Variants in YTHDF2 observed in about 807,000 individuals in gnomAD.
YTHDF2 encodes YTH domain-containing family protein 2.
YTHDF2 carries 2 observed loss-of-function variants against 50.4 expected under a neutral mutation model. The ratio of observed to expected loss-of-function variants is 0.04; its 90% CI spans 0.02 to 0.12. The LOEUF (loss-of-function observed/expected upper bound fraction) is 0.12, where lower values mean the gene tolerates loss of function less well. Ranked by LOEUF, YTHDF2 falls within the 10% of genes least tolerant of loss-of-function variation. The probability of loss-of-function intolerance (pLI) is 1.00; values close to 1 mark genes in which losing one functional copy is unlikely to be tolerated. For synonymous variants in YTHDF2, 217 were observed against 255.6 expected, an observed-to-expected ratio of 0.85 and a Z score of 1.44; for missense variants, 483 against 722.6, an observed-to-expected ratio of 0.67 and a Z score of 3.80.
upstream of YTHDF2, chr1:28,736,863 G>C (rs914519420): frequency 4.0e-5 from 17 of 429,224 alleles, no homozygotes; most frequent in South Asian, 9.5e-5. Flanking sequence ...CGCCTCCGCT[G>C]TTCGGCGCTC....
intron 1 of YTHDF2, 176 bp from the exon 2 acceptor site, chr1:28,737,482 C>T: frequency 1.2e-6 from 1 of 862,976 alleles, no homozygotes. Context: ...CCCTGCCCCA[C>T]GGGCCTGGCG....
chr1:28,752,945 T>C (rs1482581006), intron 4 of YTHDF2, among the ~76,000 whole-genome samples: 1 of 151,958 alleles, frequency 6.6e-6, no homozygotes, highest in Non-Finnish European at 1.5e-5. Context: ...CTCAGGAGGC[T>C]GAGGCAGGAG....
At chr1:28,749,935 C>T (rs555068491) in intron 4 of YTHDF2, among the ~76,000 whole-genome samples, 1 of 139,020 alleles carries the variant, frequency 7.2e-6, no homozygotes, top group Non-Finnish European at 1.6e-5. Flanking sequence ...GATTTTTTGA[C>T]TTTTCACTGT....
chr1:28,747,616 C>G (rs2087883946), intron 4 of YTHDF2, among the ~76,000 whole-genome samples: 1 of 139,312 alleles, frequency 7.2e-6, no homozygotes, highest in Non-Finnish European at 1.5e-5. Flanking sequence ...GCAGGGGTTT[C>G]ACTGTGTTAG....
intron 4 of YTHDF2, among the ~76,000 whole-genome samples, chr1:28,749,826 G>A (rs1399532013): frequency 2.6e-5 from 4 of 152,072 alleles, no homozygotes; most frequent in Non-Finnish European, 5.9e-5. Flanking sequence ...CAAATGGAGA[G>A]TGAGGAGAGA....
In YTHDF2 at chr1:28,742,683, G is replaced by C. The variant is rs1167185683; in HGVS notation, c.413G>C (p.Ser138Thr). ...GACTTCTCAGCATGGGGAAATAACAGTTCTCAGGGACAGTCTACTCAGAGC... is the reference window on the plus strand; with the variant it reads ...GACTTCTCAGCATGGGGAAATAACACTTCTCAGGGACAGTCTACTCAGAGC... ...GIDFSAWGNN[S>T]SQGQSTQSSG... Residue 138 changes from serine to threonine, a missense_variant, in exon 4 of 5, where the codon AGT becomes ACT. Physicochemically the swap from Ser to Thr is moderately conservative, Grantham distance 58 (BLOSUM62 1). Coordinates refer to ENST00000373812, the MANE Select transcript of YTHDF2 (RefSeq NM_016258.3). 1 of 1,614,166 alleles carries C rather than the reference G, an allele frequency of 6.2e-7. No homozygotes were observed. Among genetic ancestry groups the C allele is most frequent in the East Asian group, 2.2e-5 (1 of 44,872 alleles).
At chr1:28,760,271 T>TTGTGTGTGTGTGTGTG (rs28969505) in intron 4 of YTHDF2, among the ~76,000 whole-genome samples, 2 of 147,252 alleles carry the variant, frequency 1.4e-5, no homozygotes, top group East Asian at 2.1e-4. Flanking sequence ...ACATAGTAGG[T>TTGTGTGTGTGTGTGTG]TGTGTGTGTG....
chr1:28,737,557 T>C (rs2124623534), intron 1 of YTHDF2, 101 bp from the exon 2 acceptor site: 1 of 1,535,532 alleles, frequency 6.5e-7, no homozygotes, highest in East Asian at 2.3e-5. Flanking sequence ...CCCTCGGGCC[T>C]GCTCCTTTAT....
chr1:28,746,822 C>T (rs1275390500), intron 4 of YTHDF2, among the ~76,000 whole-genome samples: 4 of 152,094 alleles, frequency 2.6e-5, no homozygotes, highest in East Asian at 3.9e-4. Flanking sequence ...TGGCTCACGC[C>T]TGTAATCCCA....
chr1:28,740,639 TTG>T (rs1410934772), intron 3 of YTHDF2, among the ~76,000 whole-genome samples: 3 of 152,202 alleles, frequency 2.0e-5, no homozygotes, highest in Non-Finnish European at 4.4e-5. Flanking sequence ...AACCTTACCT[TTG>T]TGAGAAATTT....
At chr1:28,747,379 G>A (rs967104988) in intron 4 of YTHDF2, among the ~76,000 whole-genome samples, 15 of 151,774 alleles carry the variant, frequency 9.9e-5, no homozygotes, top group African/African-American at 3.4e-4. Flanking sequence ...AGACCAGCCT[G>A]GTCAACATGG....
chr1:28,755,165 G>A (rs935809704), intron 4 of YTHDF2, among the ~76,000 whole-genome samples: 9 of 152,110 alleles, frequency 5.9e-5, no homozygotes, highest in African/African-American at 2.2e-4. Context: ...GCAGTTTAGG[G>A]TTAGGATTTG....
chr1:28,738,428 C>CT, intron 3 of YTHDF2, 90 bp downstream of exon 3: 21 of 1,161,766 alleles, frequency 1.8e-5, no homozygotes, highest in Non-Finnish European at 2.1e-5. Flanking sequence ...TCTGAGGATT[C>CT]ATTTTTTTTT....
intron 4 of YTHDF2, among the ~76,000 whole-genome samples, chr1:28,756,990 T>G (rs910583383): frequency 5.3e-5 from 8 of 152,336 alleles, no homozygotes; most frequent in African/African-American, 7.2e-5. Context: ...GCTCAGATCG[T>G]TGCTTCTTTC....
Position 28,743,966 on chromosome 1 carries a change from G to A in YTHDF2, c.1696G>A (p.Glu566Lys), listed in dbSNP as rs1285070696. ...DFSHYEKRQE[E>K]EESVKKERQG... Reference sequence around the variant, plus strand: ...CTCACACTATGAGAAACGCCAAGAGGAAGAAGAAAGTGTTAAAAAGGTAAC... The same window carrying A: ...CTCACACTATGAGAAACGCCAAGAGAAAGAAGAAAGTGTTAAAAAGGTAAC... Residue 566 changes from glutamate to lysine, a missense_variant, in exon 4 of 5, where the codon GAA becomes AAA. Physicochemically the swap from Glu to Lys is moderately conservative, Grantham distance 56. Around this residue, in one of 4 missense-constraint regions of YTHDF2, gnomAD observed 38 missense variants for 60.1 expected, o/e 0.63. Transcript: ENST00000373812. This position sits in a 1 kb window ranked among gnomAD's most constrained non-coding sequence, Gnocchi z 6.9. 6.5e-7 allele frequency: 1 copy of A among 1,546,892 alleles called. No homozygotes were observed. The highest frequency in any genetic ancestry group is 8.7e-7 in the Non-Finnish European group (1 of 1,152,064).
chr1:28,765,107 C>T (rs958969975), intron 4 of YTHDF2, among the ~76,000 whole-genome samples: 2 of 152,046 alleles, frequency 1.3e-5, no homozygotes, highest in Admixed American at 1.3e-4. Flanking sequence ...CTCACTGCAT[C>T]CTCCTGCCTT....
At chr1:28,756,889 C>T (rs1003240926) in intron 4 of YTHDF2, among the ~76,000 whole-genome samples, 1 of 152,146 alleles carries the variant, frequency 6.6e-6, no homozygotes, top group South Asian at 2.1e-4. Flanking sequence ...AAGCTCTGTT[C>T]TTTGAATTAG....
chr1:28,750,721 G>C (rs2087938149), intron 4 of YTHDF2, among the ~76,000 whole-genome samples: 1 of 152,134 alleles, frequency 6.6e-6, no homozygotes, highest in Non-Finnish European at 1.5e-5. Context: ...AATTAAGTAT[G>C]TGGGTAGTTT....
intron 4 of YTHDF2, among the ~76,000 whole-genome samples, chr1:28,744,246 A>G (rs1385601551): frequency 6.6e-6 from 1 of 152,178 alleles, no homozygotes; most frequent in African/African-American, 2.4e-5. Context: ...GAAACAGTAC[A>G]TGATGCAGAA....
Sources: gnomAD v4.1 joint callset for allele counts (sites outside exome capture counted in the v4.1 genomes callset) on GRCh38, gnomAD v4.1.1 for gene constraint, gnomAD v4.1.1 regional missense constraint, Gnocchi (gnomAD v3.1) non-coding constraint, MANE v1.5 for transcripts, NCBI Gene and HGNC (gene_info 2026-07-23, HGNC 2026-07-21) for gene names.